CTNNA3: variants seen among roughly 807,000 people sequenced by gnomAD.
CTNNA3 encodes the protein catenin alpha 3.
In CTNNA3, 76 loss-of-function variants were observed where a neutral mutation model predicts 95.7. That is an observed-to-expected ratio of 0.79 (90% CI 0.66 to 0.96). The LOEUF (loss-of-function observed/expected upper bound fraction) is 0.96. Ranked by LOEUF, CTNNA3 falls within the 40% of genes least tolerant of loss-of-function variation. The pLI is 0.00. For missense variants in CTNNA3, 1,191 were observed against 1,089.8 expected (o/e 1.09, Z -1.31); for synonymous variants, 431 against 374.4 (o/e 1.15, Z -1.74).
At chr10:67,683,421 G>A (rs1840664979) in intron 1 of CTNNA3, among the ~76,000 whole-genome samples, 1 of 152,184 alleles carries the variant, frequency 6.6e-6, no homozygotes, top group Admixed American at 6.5e-5. Context: ...TAGAATGAAT[G>A]AATGAATTCC....
At chr10:66,991,907 C>T (rs1851061795) in intron 7 of CTNNA3, among the ~76,000 whole-genome samples, 1 of 152,168 alleles carries the variant, frequency 6.6e-6, no homozygotes, top group South Asian at 2.1e-4. Flanking sequence ...AGAAGGCCAT[C>T]TATTCACCAC....
intron 12 of CTNNA3, among the ~76,000 whole-genome samples, chr10:66,357,075 A>C (rs961127353): frequency 1.3e-5 from 2 of 151,958 alleles, no homozygotes; most frequent in Non-Finnish European, 2.9e-5. Context: ...GTTTTCTTCT[A>C]ATGTCTTTGT....
chr10:66,706,642 T>C (rs1346400936), intron 9 of CTNNA3, among the ~76,000 whole-genome samples: 1 of 152,060 alleles, frequency 6.6e-6, no homozygotes, highest in African/African-American at 2.4e-5. Flanking sequence ...CAGCTTGCTT[T>C]TTAGGCTATT....
intron 9 of CTNNA3, among the ~76,000 whole-genome samples, chr10:66,690,324 C>CT (rs1030097050): frequency 6.6e-6 from 1 of 151,722 alleles, no homozygotes; most frequent in South Asian, 2.1e-4. Flanking sequence ...TAATTTTTTT[C>CT]TTTTTTTATT....
chr10:66,518,487 A>G (rs1440683311), intron 11 of CTNNA3, among the ~76,000 whole-genome samples: 1 of 152,146 alleles, frequency 6.6e-6, no homozygotes, highest in Non-Finnish European at 1.5e-5. Flanking sequence ...GGCTTTTCCA[A>G]TATAAGGTGT....
chr10:66,414,899 C>T (rs1439174917), intron 11 of CTNNA3, among the ~76,000 whole-genome samples: 2 of 152,092 alleles, frequency 1.3e-5, no homozygotes, highest in African/African-American at 4.8e-5. Flanking sequence ...AGCTGAGGTG[C>T]AAGAGAAGTG....
intron 10 of CTNNA3, among the ~76,000 whole-genome samples, chr10:66,573,026 A>C (rs1446677554): frequency 6.6e-6 from 1 of 152,176 alleles, no homozygotes; most frequent in African/African-American, 2.4e-5. Flanking sequence ...GTGTCTGTGC[A>C]CAGGACTAAT....
At chr10:65,970,685 T>C (rs958705504) in intron 16 of CTNNA3, among the ~76,000 whole-genome samples, 37 of 148,010 alleles carry the variant, frequency 2.5e-4, no homozygotes, top group Admixed American at 1.2e-3. Context: ...ATATAACATA[T>C]TAGGTAAAAT....
At chr10:67,159,475 A>G (rs1045945439) in intron 7 of CTNNA3, among the ~76,000 whole-genome samples, 3 of 152,232 alleles carry the variant, frequency 2.0e-5, no homozygotes, top group Non-Finnish European at 1.5e-5. Context: ...AAAGACAGAC[A>G]TACAGACCAA....
intron 7 of CTNNA3, among the ~76,000 whole-genome samples, chr10:67,169,223 T>C (rs1022765012): frequency 1.3e-5 from 2 of 152,160 alleles, no homozygotes; most frequent in South Asian, 4.1e-4. Flanking sequence ...CAAAGCAATT[T>C]ACAGATTCAT....
In CTNNA3 at chr10:67,566,041, G is replaced by GTATA. The variant is rs1388066358; in HGVS notation, c.293-26373_293-26372insTATA. Among the ~76,000 whole-genome samples, 76 of 29,430 alleles carry GTATA rather than the reference G, an allele frequency of 2.6e-3. 5 individuals are homozygous for GTATA. The highest frequency in any genetic ancestry group is 5.8e-3 in the African/African-American group (43 of 7,368). The allele number at this position is 29,430 out of a possible 152,430, so 19.3% of individuals were successfully genotyped here. ...AACACACACACACACATATGTGTGT[G>GTATA]TGTATATATATATATATATATATAT... On this transcript the variant is annotated intron_variant, in intron 3 of 17. Coordinates refer to ENST00000433211, the MANE Select transcript of CTNNA3 (RefSeq NM_013266.4).
At chr10:66,733,755 T>C (rs1849040627) in intron 9 of CTNNA3, among the ~76,000 whole-genome samples, 1 of 151,720 alleles carries the variant, frequency 6.6e-6, no homozygotes. Context: ...AGTATGGTGA[T>C]TTGTGAAAAG....
rs576908008 is a variant in CTNNA3, at chr10:66,199,610, T to G, written c.1884+80860A>C. On this transcript the variant is annotated intron_variant, in intron 13 of 17. Transcript: ENST00000433211. Reference sequence around the variant, plus strand: ...AGTTTGTTTGTTTGTTTGTTTGTTTTTTTGTTTTTAAGGCGAAGTCTTGCT... The same window carrying G: ...AGTTTGTTTGTTTGTTTGTTTGTTTGTTTGTTTTTAAGGCGAAGTCTTGCT... Among the ~76,000 whole-genome samples, 98 of 150,804 alleles carry G rather than the reference T, an allele frequency of 6.5e-4. No individual in the cohort carries two copies. The South Asian group carries it at 9.4e-3, about 14-fold the overall frequency.
At chr10:67,590,809 C>T (rs1008376385) in intron 3 of CTNNA3, among the ~76,000 whole-genome samples, 6 of 151,986 alleles carry the variant, frequency 3.9e-5, no homozygotes, top group Non-Finnish European at 1.5e-5. Context: ...TATCTTTTCT[C>T]AGTGTATCTT....
intron 17 of CTNNA3, among the ~76,000 whole-genome samples, chr10:65,954,860 G>A (rs2077696816): frequency 6.6e-6 from 1 of 152,146 alleles, no homozygotes; most frequent in Non-Finnish European, 1.5e-5. Context: ...GATTTTCATG[G>A]CAATGTGGGC....
intron 10 of CTNNA3, among the ~76,000 whole-genome samples, chr10:66,616,054 C>T (rs1238801761): frequency 6.6e-6 from 1 of 152,046 alleles, no homozygotes; most frequent in Non-Finnish European, 1.5e-5. Flanking sequence ...CTTTATCCTT[C>T]CACCAGGTTG....
chr10:67,538,070 C>T (rs757487986), intron 4 of CTNNA3, among the ~76,000 whole-genome samples: 21 of 148,316 alleles, frequency 1.4e-4, no homozygotes, highest in African/African-American at 3.5e-4. Flanking sequence ...TAACAGAAAC[C>T]TTTGCTCAAT....
intron 9 of CTNNA3, among the ~76,000 whole-genome samples, chr10:66,763,066 G>A (rs1004954831): frequency 6.6e-6 from 1 of 152,004 alleles, no homozygotes; most frequent in African/African-American, 2.4e-5. Flanking sequence ...TGTGGGGTGG[G>A]GTGGTAGGGA....
chr10:66,650,731 G>A (rs370703049), intron 9 of CTNNA3, among the ~76,000 whole-genome samples: 8 of 152,180 alleles, frequency 5.3e-5, no homozygotes, highest in African/African-American at 1.7e-4. Context: ...TAAAGGCGGC[G>A]CATCTGGAGT....
Sources: gnomAD v4.1 joint callset for allele counts (sites outside exome capture counted in the v4.1 genomes callset) on GRCh38, gnomAD v4.1.1 for gene constraint, MANE v1.5 for transcripts, NCBI Gene and HGNC (gene_info 2026-07-23, HGNC 2026-07-21) for gene names.